Variants in RPRD1B observed in about 807,000 individuals in gnomAD.
The protein encoded by RPRD1B is regulation of nuclear pre-mRNA domain-containing protein 1B.
A neutral mutation model predicts 41.5 loss-of-function variants in RPRD1B; 11 were observed. The observed-to-expected ratio is 0.27, with a 90% CI of 0.17 to 0.44. The LOEUF (loss-of-function observed/expected upper bound fraction) is 0.44. Among genes scored for constraint, RPRD1B ranks in the 20% least tolerant of loss-of-function variants. The pLI is 1.00. For synonymous variants in RPRD1B, 158 were observed against 155.6 expected (o/e 1.02, Z -0.12); for missense variants, 248 against 389.9 (o/e 0.64, Z 3.06).
At chr20:38,065,403 A>G (rs1022157428) in intron 5 of RPRD1B, among the ~76,000 whole-genome samples, 3 of 152,204 alleles carry the variant, frequency 2.0e-5, no homozygotes, top group Admixed American at 1.3e-4. Context: ...TGGTCCCTCC[A>G]TATCCATGGG....
Position 38,091,455 on chromosome 20 carries a change from G to T in RPRD1B, c.*1580G>T. 2.0e-6 allele frequency: 2 copies of T among 985,378 alleles called. No homozygotes were observed. Among genetic ancestry groups the T allele is most frequent in the Non-Finnish European group, 2.4e-6 (2 of 829,928 alleles). 61.0% of individuals were successfully genotyped at this position (985,378 alleles called of 1,614,324 possible). On this transcript the variant is annotated 3_prime_UTR_variant, in exon 7 of 7. Coordinates refer to ENST00000373433, the MANE Select transcript of RPRD1B (RefSeq NM_021215.4). ...CTCTGTGTAGAACCTAGTAGTGTTTGAGCTGTTATTCAGATTTGAATTCAG... is the reference window on the plus strand; with the variant it reads ...CTCTGTGTAGAACCTAGTAGTGTTTTAGCTGTTATTCAGATTTGAATTCAG...
chr20:38,069,933 C>T (rs1291222077), intron 6 of RPRD1B, among the ~76,000 whole-genome samples: 2 of 152,160 alleles, frequency 1.3e-5, no homozygotes, highest in African/African-American at 4.8e-5. Context: ...CTCACAGTGC[C>T]AGGAACATAT....
At position 38,057,562 on chromosome 20, in the gene RPRD1B, C is replaced by A; in HGVS notation, c.446C>A (p.Thr149Asn). 6.2e-7 allele frequency: 1 copy of A among 1,614,116 alleles called. No homozygotes were observed. The highest frequency in any genetic ancestry group is 8.5e-7 in the Non-Finnish European group (1 of 1,179,966). ...GAAGAGAAGAAATCTCTGAAACGAA[C>A]TTTTCAGCAAATTCAGGAGGAGGAG... ...ATEEKKSLKR[T>N]FQQIQEEEDD... Residue 149 changes from threonine to asparagine, a missense_variant, in exon 4 of 7, where the codon ACT (threonine) becomes AAT (asparagine). By Grantham distance (65) the Thr-to-Asn change is moderately conservative (BLOSUM62 0). Coordinates refer to ENST00000373433, the MANE Select transcript of RPRD1B (RefSeq NM_021215.4).
At chr20:38,084,907 A>C (rs1484928057) in intron 6 of RPRD1B, among the ~76,000 whole-genome samples, 1 of 151,598 alleles carries the variant, frequency 6.6e-6, no homozygotes, top group Admixed American at 6.6e-5. Flanking sequence ...CACCTCCTCC[A>C]CCTCCCCTTC....
chr20:38,089,281 A>G (rs1485574672), intron 6 of RPRD1B, among the ~76,000 whole-genome samples: 1 of 152,106 alleles, frequency 6.6e-6, no homozygotes, highest in African/African-American at 2.4e-5. Context: ...GCAAAACATG[A>G]TAAATTTAGG....
At chr20:38,076,547 A>G in intron 6 of RPRD1B, among the ~76,000 whole-genome samples, 1 of 152,056 alleles carries the variant, frequency 6.6e-6, no homozygotes, top group Middle Eastern at 3.2e-3. Flanking sequence ...TCCCTTTATA[A>G]CTACCACCAT....
Position 38,033,748 on chromosome 20 carries a change from CGG to C in RPRD1B, c.-198_-197del. The C allele has an allele frequency of 1.8e-6, 1 of 568,074 alleles. No individual in the cohort carries two copies. Among genetic ancestry groups the C allele is most frequent in the Admixed American group, 3.4e-5 (1 of 29,506 alleles). 35.2% of individuals were successfully genotyped at this position (568,074 alleles called of 1,614,324 possible). ...TCGCTCTCGCGGCAGGGTGAGAGGT[CGG>C]GTGGCCATCTTGTGGCGGCGGCGCG... is the stretch of plus-strand genomic sequence containing the variant. On this transcript the variant is annotated 5_prime_UTR_variant, in exon 1 of 7. Coordinates refer to ENST00000373433, the MANE Select transcript of RPRD1B (RefSeq NM_021215.4).
chr20:38,064,893 G>T (rs1023979262), intron 5 of RPRD1B, among the ~76,000 whole-genome samples: 1 of 152,040 alleles, frequency 6.6e-6, no homozygotes, highest in Non-Finnish European at 1.5e-5. Flanking sequence ...GGCTGAGGCA[G>T]GAGAATGGCA....
intron 2 of RPRD1B, among the ~76,000 whole-genome samples, chr20:38,047,663 C>T (rs933501187): frequency 6.6e-6 from 1 of 151,938 alleles, no homozygotes; most frequent in African/African-American, 2.4e-5. Flanking sequence ...AGTTATAGTC[C>T]TTTATATCCT....
intron 3 of RPRD1B, 72 bp from the exon 4 acceptor site, chr20:38,057,460 C>T: frequency 8.0e-6 from 8 of 995,684 alleles, no homozygotes; most frequent in African/African-American, 1.6e-5. Flanking sequence ...TACATGTGGC[C>T]CATTGTGCAT....
In RPRD1B at chr20:38,057,590, T is replaced by G. The variant is rs746336457; in HGVS notation, c.474T>G (p.Asp158Glu). ...RTFQQIQEEE[D>E]DDYPGSYSPQ... ...TTCAGCAAATTCAGGAGGAGGAGGATGACGACTACCCTGGCAGCTACTCTC... is the reference window on the plus strand; with the variant it reads ...TTCAGCAAATTCAGGAGGAGGAGGAGGACGACTACCCTGGCAGCTACTCTC... The change falls in exon 4 of 7, where the codon GAT (aspartate) becomes GAG (glutamate). Residue 158 changes from aspartate (D) to glutamate (E), a missense_variant. Around this residue, in one of 5 missense-constraint regions of RPRD1B, gnomAD observed 94 missense variants for 82.3 expected, o/e 1.14. Coordinates refer to ENST00000373433, the MANE Select transcript of RPRD1B (RefSeq NM_021215.4). The G allele has an allele frequency of 8.7e-6, 14 of 1,614,006 alleles. No homozygotes were observed. Among genetic ancestry groups the G allele is most frequent in the African/African-American group, 2.7e-5 (2 of 74,908 alleles).
intron 6 of RPRD1B, among the ~76,000 whole-genome samples, chr20:38,088,185 C>T (rs539480856): frequency 3.3e-5 from 5 of 152,174 alleles, no homozygotes; most frequent in Non-Finnish European, 7.3e-5. Context: ...CTGGTTCCCT[C>T]CTCTCACTCC....
At chr20:38,072,174 T>C (rs2074419385) in intron 6 of RPRD1B, among the ~76,000 whole-genome samples, 1 of 152,166 alleles carries the variant, frequency 6.6e-6, no homozygotes. Flanking sequence ...CTTAATCTGT[T>C]TTGAGTTAGT....
At chr20:38,073,477 A>G (rs1346027648) in intron 6 of RPRD1B, among the ~76,000 whole-genome samples, 1 of 151,958 alleles carries the variant, frequency 6.6e-6, no homozygotes, top group Non-Finnish European at 1.5e-5. Context: ...TTGCCTTATG[A>G]CTCTTCATAT....
chr20:38,068,509 A>G (rs1320700200), intron 6 of RPRD1B, among the ~76,000 whole-genome samples: 2 of 152,166 alleles, frequency 1.3e-5, no homozygotes, highest in Non-Finnish European at 2.9e-5. Flanking sequence ...CCCCCGTCTC[A>G]GCCTCCTGAG....
Position 38,039,109 on chromosome 20 carries a change from A to C in RPRD1B, c.152-1326A>C, listed in dbSNP as rs537228433. 1.6e-3 allele frequency among the ~76,000 whole-genome samples: 239 copies of C among 152,364 alleles called. 1 individual carries two copies. The highest frequency in any genetic ancestry group is 0.014 in the South Asian group (68 of 4,834). On this transcript the variant is annotated intron_variant, in intron 1 of 6. Transcript: ENST00000373433. The stretch of plus-strand genomic sequence containing the variant: ...GGAATTCAGTAATGTTCCCCAAAGC[A>C]ACTGTAACTCAGACATATTGCACGA...
At chr20:38,035,118 C>T (rs1384762585) in intron 1 of RPRD1B, among the ~76,000 whole-genome samples, 1 of 152,040 alleles carries the variant, frequency 6.6e-6, no homozygotes, top group Non-Finnish European at 1.5e-5. Flanking sequence ...TCCAAATGAA[C>T]ATTTAGCATG....
chr20:38,078,573 C>A (rs1344372180), intron 6 of RPRD1B, among the ~76,000 whole-genome samples: 1 of 151,930 alleles, frequency 6.6e-6, no homozygotes, highest in Non-Finnish European at 1.5e-5. Context: ...AAAGTTCTGT[C>A]TGTATTGTCA....
At chr20:38,059,974 G>C (rs2074281652) in intron 5 of RPRD1B, among the ~76,000 whole-genome samples, 2 of 152,194 alleles carry the variant, frequency 1.3e-5, no homozygotes, top group African/African-American at 4.8e-5. Context: ...GTGTCTGTTA[G>C]ACATGTCATT....
Sources: allele counts gnomAD v4.1 joint callset (sites outside exome capture counted in the v4.1 genomes callset), GRCh38; gene constraint gnomAD v4.1.1; regional missense constraint gnomAD v4.1.1; transcripts MANE v1.5; gene names NCBI Gene and HGNC (gene_info 2026-07-23, HGNC 2026-07-21).